Variants in MTCL2 observed in about 807,000 individuals in gnomAD.
MTCL2 encodes the protein microtubule crosslinking factor 2.
At chr20:36,835,031 T>G in the MTCL2 span, among the ~76,000 whole-genome samples, 3 of 151,820 alleles carry the variant, frequency 2.0e-5, no homozygotes, top group Non-Finnish European at 4.4e-5. Flanking sequence ...AACCAATACA[T>G]GTTTATTTCC....
chr20:36,797,078 A>T, the MTCL2 span: 1 of 840,452 alleles, frequency 1.2e-6, no homozygotes, highest in East Asian at 2.5e-5. Flanking sequence ...TGATGTCATC[A>T]ATGATCTAGC....
At chr20:36,841,874 G>GGGGTGGGTGTGT in the MTCL2 span, among the ~76,000 whole-genome samples, 3 of 110,768 alleles carry the variant, frequency 2.7e-5, no homozygotes, top group Admixed American at 1.8e-4. Flanking sequence ...TGGGGGGTGG[G>GGGGTGGGTGTGT]GTGTGTGTGT....
At chr20:36,851,172 G>A in the MTCL2 span, among the ~76,000 whole-genome samples, 116 of 150,972 alleles carry the variant, frequency 7.7e-4, no homozygotes, top group Non-Finnish European at 1.4e-3. Context: ...TTTATTGTAT[G>A]TATTTGTATA....
the MTCL2 span, chr20:36,793,546 G>A: frequency 6.4e-7 from 1 of 1,551,680 alleles, no homozygotes; most frequent in South Asian, 1.2e-5. The surrounding 1 kb of genome is among the most constrained non-coding windows in gnomAD (Gnocchi z 6.8). Context: ...TCTCAGACAT[G>A]CCTAGTTTCC....
At chr20:36,831,336 T>A in the MTCL2 span, among the ~76,000 whole-genome samples, 1 of 152,202 alleles carries the variant, frequency 6.6e-6, no homozygotes, top group Non-Finnish European at 1.5e-5. Context: ...TGGGTTGAGC[T>A]GGGCTGGGAG....
chr20:36,822,382 G>A, the MTCL2 span, among the ~76,000 whole-genome samples: 5 of 152,278 alleles, frequency 3.3e-5, no homozygotes, highest in Admixed American at 2.6e-4. Flanking sequence ...CAGCCCTGAG[G>A]ACAAACTCTG....
chr20:36,840,016 C>T, the MTCL2 span, among the ~76,000 whole-genome samples: 19 of 152,182 alleles, frequency 1.2e-4, no homozygotes, highest in Non-Finnish European at 2.5e-4. Flanking sequence ...GTGCCCACCA[C>T]CACACCCAGC....
At chr20:36,844,518 C>T in the MTCL2 span, among the ~76,000 whole-genome samples, 1 of 152,118 alleles carries the variant, frequency 6.6e-6, no homozygotes, top group Admixed American at 6.5e-5. Flanking sequence ...GTAATCCCAG[C>T]ACTTTGGGAG....
chr20:36,794,499 G>T, the MTCL2 span: 1 of 1,614,064 alleles, frequency 6.2e-7, no homozygotes, highest in Non-Finnish European at 8.5e-7. This position sits in a 1 kb window ranked among gnomAD's most constrained non-coding sequence, Gnocchi z 5.4. Flanking sequence ...CCAAAGGCAG[G>T]GTTGTTAGGC....
At chr20:36,821,274 C>T in the MTCL2 span, among the ~76,000 whole-genome samples, 1 of 152,310 alleles carries the variant, frequency 6.6e-6, no homozygotes, top group South Asian at 2.1e-4. Flanking sequence ...ATAATCCCAG[C>T]ACTTTGGGAG....
At chr20:36,852,334 G>A in the MTCL2 span, among the ~76,000 whole-genome samples, 4 of 152,154 alleles carry the variant, frequency 2.6e-5, no homozygotes, top group African/African-American at 4.8e-5. Context: ...CCCCAGCCCC[G>A]GAAGGGCTGC....
At chr20:36,802,761 G>C in the MTCL2 span, 77 of 1,423,926 alleles carry the variant, frequency 5.4e-5, no homozygotes, top group Non-Finnish European at 6.6e-5. Context: ...TGAGCACCTA[G>C]ATCCAGCTAT....
the MTCL2 span, among the ~76,000 whole-genome samples, chr20:36,861,434 C>T: frequency 6.6e-6 from 1 of 152,186 alleles, no homozygotes; most frequent in Admixed American, 6.5e-5. Context: ...ATTTACAGAA[C>T]TCAGGCTGGA....
chr20:36,807,860 C>G, the MTCL2 span, among the ~76,000 whole-genome samples: 1 of 146,604 alleles, frequency 6.8e-6, no homozygotes, highest in Non-Finnish European at 1.5e-5. Context: ...ATGGAGAAAC[C>G]CTGTCTTTTT....
chr20:36,848,570 A>G, the MTCL2 span, among the ~76,000 whole-genome samples: 1 of 152,230 alleles, frequency 6.6e-6, no homozygotes, highest in African/African-American at 2.4e-5. Context: ...GTAAGGAAAG[A>G]CAGGAACCAT....
the MTCL2 span, chr20:36,808,418 A>C: frequency 7.1e-6 from 7 of 990,676 alleles, no homozygotes; most frequent in Non-Finnish European, 1.1e-5. Context: ...CAGGTATGTG[A>C]GCCTAGGAGT....
At chr20:36,809,842 G>A in the MTCL2 span, 43 of 1,056,270 alleles carry the variant, frequency 4.1e-5, no homozygotes, top group Non-Finnish European at 5.4e-5. Flanking sequence ...CCAAAGTGCT[G>A]GGATTACAGG....
At chr20:36,786,856 A>T in the MTCL2 span, among the ~76,000 whole-genome samples, 1 of 152,144 alleles carries the variant, frequency 6.6e-6, no homozygotes, top group East Asian at 1.9e-4. Flanking sequence ...CTATACAGAG[A>T]GGACAGTGGA....
the MTCL2 span, among the ~76,000 whole-genome samples, chr20:36,799,858 A>G: frequency 3.3e-5 from 5 of 152,212 alleles, no homozygotes; most frequent in Admixed American, 6.5e-5. Flanking sequence ...TGGCTATCTC[A>G]CTTTATTTCC....
Sources: gnomAD v4.1 joint callset for allele counts (sites outside exome capture counted in the v4.1 genomes callset) on GRCh38, gnomAD v4.1.1 for gene constraint, Gnocchi (gnomAD v3.1) non-coding constraint, MANE v1.5 for transcripts, NCBI Gene and HGNC (gene_info 2026-07-23, HGNC 2026-07-21) for gene names.